CARD8: variants seen among roughly 807,000 people sequenced by gnomAD.
CARD8 encodes caspase recruitment domain family member 8.
A neutral mutation model predicts 53.2 loss-of-function variants in CARD8; 38 were observed. The ratio of observed to expected loss-of-function variants is 0.71; its 90% CI spans 0.55 to 0.94. The LOEUF (loss-of-function observed/expected upper bound fraction) is 0.94. Ranked by LOEUF, CARD8 falls within the 40% of genes least tolerant of loss-of-function variation. The pLI is 0.00. For synonymous variants in CARD8, 245 were observed against 244.9 expected (o/e 1.00, Z 0.00); for missense variants, 561 against 655.5 (o/e 0.86, Z 1.57).
At chr19:48,220,997 A>AGGAAG (rs2040477131) in intron 11 of CARD8, among the ~76,000 whole-genome samples, 1 of 67,780 alleles carries the variant, frequency 1.5e-5, no homozygotes, top group African/African-American at 5.1e-5. Context: ...AAGGAAGGAA[A>AGGAAG]GAAAGAAAGA....
At position 48,249,028 on chromosome 19, in the gene CARD8, C is replaced by A. The variant is rs532913254; in HGVS notation, c.-44+495G>T. 1.6e-4 allele frequency among the ~76,000 whole-genome samples: 24 copies of A among 152,222 alleles called. No individual in the cohort carries two copies. In the South Asian group the frequency reaches 5.0e-3, roughly 32 times the overall value. On this transcript the variant is annotated intron_variant, in intron 3 of 13. Coordinates refer to ENST00000651546, the MANE Select transcript of CARD8 (RefSeq NM_001184900.3). ...GACTGGCAACATAGTGAAACTCCGT[C>A]TCTACTAAAAATACAAAAATTAGTC...
At chr19:48,237,631 T>G (rs1033394972) in intron 5 of CARD8, among the ~76,000 whole-genome samples, 1 of 151,658 alleles carries the variant, frequency 6.6e-6, no homozygotes, top group African/African-American at 2.4e-5. Flanking sequence ...ACCCCGTATC[T>G]ACTAAAAATA....
intron 3 of CARD8, among the ~76,000 whole-genome samples, chr19:48,242,074 T>G (rs2045241994): frequency 6.6e-6 from 1 of 152,136 alleles, no homozygotes; most frequent in Non-Finnish European, 1.5e-5. Flanking sequence ...ACATTTGATT[T>G]AATAGGAGTT....
intron 3 of CARD8, among the ~76,000 whole-genome samples, chr19:48,248,052 A>C (rs2046396399): frequency 6.6e-6 from 1 of 152,206 alleles, no homozygotes; most frequent in Non-Finnish European, 1.5e-5. Context: ...CATGAAAACC[A>C]AATACTCTTC....
intron 3 of CARD8, 56 bp from the exon 4 acceptor site, chr19:48,241,119 T>C (rs993689873): frequency 2.1e-6 from 2 of 943,374 alleles, no homozygotes; most frequent in African/African-American, 1.6e-5. Context: ...ATCAGATAAA[T>C]CTTAGCTTCT....
intron 12 of CARD8, among the ~76,000 whole-genome samples, chr19:48,218,353 CT>C (rs770280304): frequency 2.1e-3 from 230 of 109,042 alleles, no homozygotes; most frequent in African/African-American, 7.1e-3. Flanking sequence ...TTATCTTCTT[CT>C]TTTTTTTTTT....
At chr19:48,222,868 G>A (rs547751428) in intron 10 of CARD8, among the ~76,000 whole-genome samples, 253 of 152,220 alleles carry the variant, frequency 1.7e-3, no homozygotes, top group African/African-American at 5.3e-3. Context: ...CCAGCTGATC[G>A]ACTCCCTTGC....
intron 1 of CARD8, among the ~76,000 whole-genome samples, chr19:48,250,221 T>C (rs2046775613): frequency 6.6e-6 from 1 of 152,178 alleles, no homozygotes; most frequent in African/African-American, 2.4e-5. Context: ...AAACTATGTA[T>C]ATATTCAGGA....
At chr19:48,238,320 C>A in intron 5 of CARD8, 63 bp downstream of exon 5, 1 of 1,512,818 alleles carries the variant, frequency 6.6e-7, no homozygotes, top group Non-Finnish European at 8.8e-7. Flanking sequence ...TATGAATGTA[C>A]ATAAACCAAT....
intron 11 of CARD8, among the ~76,000 whole-genome samples, chr19:48,221,332 T>C (rs2040585351): frequency 6.6e-6 from 1 of 152,192 alleles, no homozygotes. Flanking sequence ...CACAGAATTA[T>C]ATAGTAATCT....
intron 10 of CARD8, among the ~76,000 whole-genome samples, chr19:48,223,096 G>A (rs1230859156): frequency 6.6e-6 from 1 of 152,176 alleles, no homozygotes. Flanking sequence ...CTGAGGTCAG[G>A]AGTTCGAGAC....
At chr19:48,205,139 C>T (rs374590309), downstream of CARD8, among the ~76,000 whole-genome samples, 12 of 152,160 alleles carry the variant, frequency 7.9e-5, no homozygotes, top group African/African-American at 2.7e-4. Context: ...TTGAAGCTAA[C>T]GCCAAGATCA....
chr19:48,239,213 C>T (rs2044494824), intron 4 of CARD8, among the ~76,000 whole-genome samples: 1 of 152,188 alleles, frequency 6.6e-6, no homozygotes, highest in Non-Finnish European at 1.5e-5. Context: ...CTAGAGTGAT[C>T]TGCATTCACT....
At chr19:48,231,106 C>G (rs2042800113) in intron 8 of CARD8, 100 bp from the exon 9 acceptor site, 1 of 915,102 alleles carries the variant, frequency 1.1e-6, no homozygotes, top group African/African-American at 1.7e-5. Context: ...AGGCAAGGTT[C>G]AGGACCCATC....
At chr19:48,250,452 A>AC (rs900946311) in intron 1 of CARD8, among the ~76,000 whole-genome samples, 14 of 150,840 alleles carry the variant, frequency 9.3e-5, no homozygotes, top group South Asian at 2.1e-4. Context: ...CAAGGATAAG[A>AC]CCCCCCCTCT....
At chr19:48,225,360 G>A (rs548247681) in intron 10 of CARD8, among the ~76,000 whole-genome samples, 64 of 152,036 alleles carry the variant, frequency 4.2e-4, no homozygotes, top group African/African-American at 1.5e-3. Context: ...GTGTGGTGGC[G>A]CATGCCTGTA....
At chr19:48,217,793 G>T (rs1192362980) in intron 12 of CARD8, among the ~76,000 whole-genome samples, 1 of 152,120 alleles carries the variant, frequency 6.6e-6, no homozygotes, top group Non-Finnish European at 1.5e-5. Flanking sequence ...GAGATTCAAG[G>T]AACTATCAGG....
rs950792119 is a variant in CARD8, at chr19:48,231,595, G to A, written c.542+65C>T. On this transcript the variant is annotated intron_variant, in intron 8 of 13. Transcript: ENST00000651546. ...CGAGATTACAGGCCTGAGCCACCACGCCTGGCCTACACACTTCCTTTATAT... is the reference window on the plus strand; with the variant it reads ...CGAGATTACAGGCCTGAGCCACCACACCTGGCCTACACACTTCCTTTATAT... The A allele has an allele frequency of 3.0e-5, 44 of 1,485,302 alleles. No homozygotes were observed. The African/African-American group carries it at 4.3e-4, about 15-fold the overall frequency. 92.0% of individuals were successfully genotyped at this position (1,485,302 alleles called of 1,614,324 possible). A position where few individuals can be genotyped will look rare whatever the true frequency, so the allele number is the denominator to read the frequency against.
downstream of CARD8, chr19:48,204,371 G>A (rs910068033): frequency 3.5e-5 from 12 of 341,140 alleles, no homozygotes; most frequent in Admixed American, 4.3e-4. Flanking sequence ...GTGATATTAG[G>A]GGAAATGGGA....
Sources: allele counts gnomAD v4.1 joint callset (sites outside exome capture counted in the v4.1 genomes callset), GRCh38; gene constraint gnomAD v4.1.1; transcripts MANE v1.5; gene names NCBI Gene and HGNC (gene_info 2026-07-23, HGNC 2026-07-21).